PELI2: variants seen among roughly 807,000 people sequenced by gnomAD.
PELI2 encodes the protein pellino E3 ubiquitin protein ligase family member 2.
PELI2 carries 23 observed loss-of-function variants against 42.3 expected under a neutral mutation model. The ratio of observed to expected loss-of-function variants is 0.54; its 90% confidence interval spans 0.39 to 0.77. PELI2 has a LOEUF of 0.77. Ranked by LOEUF, PELI2 falls within the 30% of genes least tolerant of loss-of-function variation. The probability of loss-of-function intolerance (pLI) is 0.00; values close to 1 mark genes in which losing one functional copy is unlikely to be tolerated. For synonymous variants in PELI2, 245 were observed against 212.2 expected (o/e 1.15, Z -1.34); for missense variants, 463 against 553.2 (o/e 0.84, Z 1.64).
At chr14:56,285,489 C>T (rs979706386) in intron 3 of PELI2, among the ~76,000 whole-genome samples, 1 of 151,930 alleles carries the variant, frequency 6.6e-6, no homozygotes, top group Non-Finnish European at 1.5e-5. Context: ...GAGATGAAGA[C>T]TTTGAGCTGT....
At chr14:56,262,487 C>G (rs1293380292) in intron 2 of PELI2, among the ~76,000 whole-genome samples, 1 of 152,078 alleles carries the variant, frequency 6.6e-6, no homozygotes, top group Non-Finnish European at 1.5e-5. Context: ...AGATGTTTCT[C>G]ACAACCAATT....
chr14:56,155,570 C>G (rs1218643360), intron 1 of PELI2, among the ~76,000 whole-genome samples: 1 of 147,338 alleles, frequency 6.8e-6, no homozygotes, highest in Non-Finnish European at 1.5e-5. Context: ...GGTTTTTGTT[C>G]TCAAGTAATA....
At chr14:56,259,747 C>T (rs951155926) in intron 2 of PELI2, among the ~76,000 whole-genome samples, 6 of 151,974 alleles carry the variant, frequency 3.9e-5, no homozygotes, top group African/African-American at 1.2e-4. Context: ...AGAAACAAAA[C>T]GAGAAGCTAT....
At chr14:56,205,759 C>A (rs1886495834) in intron 2 of PELI2, among the ~76,000 whole-genome samples, 1 of 152,146 alleles carries the variant, frequency 6.6e-6, no homozygotes, top group Admixed American at 6.5e-5. Flanking sequence ...CCTCTGATCG[C>A]TTTGAGGGCC....
At chr14:56,274,448 T>TA (rs1179488212) in intron 2 of PELI2, among the ~76,000 whole-genome samples, 1 of 152,346 alleles carries the variant, frequency 6.6e-6, no homozygotes, top group African/African-American at 2.4e-5. Flanking sequence ...CCTCATACTT[T>TA]AAAATTTGGA....
chr14:56,291,468 A>T (rs1239362085), intron 5 of PELI2, among the ~76,000 whole-genome samples: 1 of 152,198 alleles, frequency 6.6e-6, no homozygotes, highest in African/African-American at 2.4e-5. Flanking sequence ...GGCACAGCGT[A>T]TGCGTCTTAC....
chr14:56,118,793 C>A, intron 1 of PELI2, 56 bp downstream of exon 1: 5 of 1,249,940 alleles, frequency 4.0e-6, no homozygotes, highest in Non-Finnish European at 5.4e-6. Context: ...GCGCCCGCAT[C>A]CTGGAGCGGG....
intron 3 of PELI2, among the ~76,000 whole-genome samples, chr14:56,280,186 A>T (rs1889428574): frequency 6.6e-6 from 1 of 152,124 alleles, no homozygotes; most frequent in Non-Finnish European, 1.5e-5. Context: ...CCAACATCTT[A>T]CTCGGAAGAA....
intron 2 of PELI2, among the ~76,000 whole-genome samples, chr14:56,272,952 T>C (rs1302508706): frequency 2.0e-5 from 3 of 152,232 alleles, no homozygotes; most frequent in Non-Finnish European, 2.9e-5. Context: ...AAAAGTGCTC[T>C]GGTACCAGTA....
At chr14:56,198,014 C>A (rs374072132) in intron 2 of PELI2, among the ~76,000 whole-genome samples, 81 of 122,092 alleles carry the variant, frequency 6.6e-4, no homozygotes, top group African/African-American at 1.5e-3. Context: ...ACACACACAC[C>A]CACCTCTTTG....
chr14:56,214,573 C>G (rs1460706800), intron 2 of PELI2, among the ~76,000 whole-genome samples: 1 of 152,138 alleles, frequency 6.6e-6, no homozygotes, highest in Non-Finnish European at 1.5e-5. Flanking sequence ...GAAGAGGGCA[C>G]AGAACCCTGT....
At chr14:56,221,427 A>T (rs192620281) in intron 2 of PELI2, among the ~76,000 whole-genome samples, 5 of 152,226 alleles carry the variant, frequency 3.3e-5, no homozygotes, top group Admixed American at 2.6e-4. Flanking sequence ...TGGTTTTCCA[A>T]CCCCCTGTAC....
intron 2 of PELI2, among the ~76,000 whole-genome samples, chr14:56,223,459 C>T (rs531664968): frequency 1.3e-5 from 2 of 152,298 alleles, no homozygotes; most frequent in East Asian, 3.9e-4. Context: ...CCCTTGGTCT[C>T]TGAAGACCAT....
chr14:56,155,242 T>C (rs1036538360), intron 1 of PELI2, among the ~76,000 whole-genome samples: 41 of 51,786 alleles, frequency 7.9e-4, no homozygotes, highest in African/African-American at 1.9e-3. Context: ...TCTGTTGGGT[T>C]TTTTTTTTTG....
At chr14:56,281,356 G>A (rs8015669) in intron 3 of PELI2, among the ~76,000 whole-genome samples, 63,420 of 151,822 alleles carry the variant, frequency 0.42, 13,668 homozygotes, top group South Asian at 0.53. Context: ...TAAATGGGAA[G>A]CGCAATAAAA....
intron 3 of PELI2, among the ~76,000 whole-genome samples, chr14:56,282,597 T>G (rs187254041): frequency 6.6e-6 from 1 of 151,916 alleles, no homozygotes; most frequent in Non-Finnish European, 1.5e-5. Context: ...AACTAAATAA[T>G]CTTAGATAAA....
intron 2 of PELI2, among the ~76,000 whole-genome samples, chr14:56,218,063 C>T (rs1228387660): frequency 6.6e-6 from 1 of 152,194 alleles, no homozygotes; most frequent in East Asian, 1.9e-4. Flanking sequence ...ATAATGAGGA[C>T]ACCTGCTCAA....
At chr14:56,121,909 G>T (rs911849116) in intron 1 of PELI2, among the ~76,000 whole-genome samples, 1 of 152,112 alleles carries the variant, frequency 6.6e-6, no homozygotes, top group Admixed American at 6.5e-5. Context: ...TCAATGCTGT[G>T]GTTGTTTTTT....
At chr14:56,119,404 G>A (rs963015029) in intron 1 of PELI2, among the ~76,000 whole-genome samples, 2 of 152,114 alleles carry the variant, frequency 1.3e-5, no homozygotes, top group African/African-American at 4.8e-5. Flanking sequence ...GGAGGGGAGG[G>A]ACAGGATGCG....
Sources: allele counts gnomAD v4.1 joint callset (sites outside exome capture counted in the v4.1 genomes callset), GRCh38; gene constraint gnomAD v4.1.1; transcripts MANE v1.5; gene names NCBI Gene and HGNC (gene_info 2026-07-23, HGNC 2026-07-21).